FNIP2: variants seen among roughly 807,000 people sequenced by gnomAD.
FNIP2 encodes the protein folliculin interacting protein 2.
In FNIP2, 32 loss-of-function variants were observed where a neutral mutation model predicts 108.7. That is an observed-to-expected ratio of 0.29 (90% CI 0.22 to 0.40). The LOEUF (loss-of-function observed/expected upper bound fraction) is 0.40, where lower values mean the gene tolerates loss of function less well. Ranked by LOEUF, FNIP2 falls within the 10% of genes least tolerant of loss-of-function variation. The probability of loss-of-function intolerance (pLI) is 1.00; values close to 1 mark genes in which losing one functional copy is unlikely to be tolerated. For missense variants in FNIP2, 1,202 were observed against 1,381.6 expected (o/e 0.87, Z 2.06); for synonymous variants, 480 against 496.7 (o/e 0.97, Z 0.45).
chr4:158,823,413 C>T (rs1272501220), intron 1 of FNIP2, among the ~76,000 whole-genome samples: 2 of 152,060 alleles, frequency 1.3e-5, no homozygotes, highest in South Asian at 2.1e-4. Flanking sequence ...TTATGGGTGC[C>T]CACTAGTGCG....
chr4:158,773,289 A>G (rs1439360760), intron 1 of FNIP2, among the ~76,000 whole-genome samples: 2 of 152,152 alleles, frequency 1.3e-5, no homozygotes, highest in African/African-American at 4.8e-5. Flanking sequence ...TTGTCCTGAA[A>G]GATACTATGC....
At chr4:158,795,834 G>T (rs1776569979) in intron 1 of FNIP2, 1 of 152,248 alleles carries the variant, frequency 6.6e-6, no homozygotes, top group Admixed American at 6.5e-5. Context: ...TCTAGGTTGC[G>T]CGCTCCTTAT....
At chr4:158,904,398 AGAAAT>A (rs1729643978) in intron 16 of FNIP2, 63 bp from the exon 17 acceptor site, 1 of 1,371,522 alleles carries the variant, frequency 7.3e-7, no homozygotes, top group Non-Finnish European at 1.0e-6. Context: ...TCTCATAAAA[AGAAAT>A]AATACTTTCT....
At chr4:158,805,708 C>A (rs940897503) in intron 1 of FNIP2, among the ~76,000 whole-genome samples, 1 of 152,154 alleles carries the variant, frequency 6.6e-6, no homozygotes, top group Admixed American at 6.5e-5. Context: ...ACATGAGAGC[C>A]ATTAAGAGGG....
chr4:158,871,511 T>G (rs1298929685), intron 14 of FNIP2: 2 of 985,150 alleles, frequency 2.0e-6, no homozygotes, highest in East Asian at 2.3e-4. Flanking sequence ...AGGCTAAGTA[T>G]ATTTATGTGA....
intron 16 of FNIP2, among the ~76,000 whole-genome samples, chr4:158,897,494 C>T (rs1233613505): frequency 6.6e-6 from 1 of 152,218 alleles, no homozygotes; most frequent in Non-Finnish European, 1.5e-5. Flanking sequence ...CACATCCTCT[C>T]AAGCATTTGT....
chr4:158,804,076 T>G (rs1487100124), intron 1 of FNIP2, among the ~76,000 whole-genome samples: 1 of 152,192 alleles, frequency 6.6e-6, no homozygotes, highest in African/African-American at 2.4e-5. Context: ...TAGCTGGGAC[T>G]ATAGGCATCC....
intron 1 of FNIP2, among the ~76,000 whole-genome samples, chr4:158,811,996 A>G (rs1468783972): frequency 1.3e-5 from 2 of 152,222 alleles, no homozygotes; most frequent in African/African-American, 4.8e-5. Flanking sequence ...ATATTGCCTC[A>G]GGGCAAAGAT....
chr4:158,877,905 A>C (rs926656072), intron 14 of FNIP2, among the ~76,000 whole-genome samples: 2 of 151,924 alleles, frequency 1.3e-5, no homozygotes, highest in African/African-American at 4.8e-5. Context: ...GAGCCACTGC[A>C]CTCCAGCCTG....
intron 7 of FNIP2, chr4:158,836,698 C>T (rs978664957): frequency 3.9e-4 from 58 of 150,370 alleles, no homozygotes; most frequent in African/African-American, 1.3e-3. Flanking sequence ...TACCTATAGT[C>T]CTAGCTACTC....
At chr4:158,799,011 A>G (rs1286984855) in intron 1 of FNIP2, among the ~76,000 whole-genome samples, 2 of 152,260 alleles carry the variant, frequency 1.3e-5, no homozygotes, top group Non-Finnish European at 2.9e-5. Context: ...CCTTTCCAGG[A>G]AAACAGAGAC....
chr4:158,835,134 T>G (rs1423907660), intron 6 of FNIP2: 4 of 176,826 alleles, frequency 2.3e-5, no homozygotes, highest in South Asian at 1.3e-4. Context: ...TTATTCAGAG[T>G]TTTTTTTTTA....
rs114922666 is a variant in FNIP2, at chr4:158,826,301, C to A, written c.234+259C>A. ...GCTAAGCAGTGTACTATTAATAGTA[C>A]TAGAGGTAAATTTGCTGGTGAGTTG... On this transcript the variant is annotated intron_variant, in intron 2 of 16. Coordinates refer to ENST00000264433, the MANE Select transcript of FNIP2 (RefSeq NM_020840.3). 2.5e-3 allele frequency among the ~76,000 whole-genome samples: 384 copies of A among 152,230 alleles called. 3 individuals are homozygous for A. The highest frequency in any genetic ancestry group is 8.8e-3 in the African/African-American group (364 of 41,534).
Position 158,793,126 on chromosome 4 carries a change from G to A in FNIP2, c.107+23807G>A, listed in dbSNP as rs1371038788. ...AGAACAACACATTTGTTTTTGGATA[G>A]ACCATTCATGGGAACTTTGAGCTCT... On this transcript the variant is annotated intron_variant, in intron 1 of 16. Transcript: ENST00000264433. Among the ~76,000 whole-genome samples, 3 of 152,296 alleles carry A rather than the reference G, an allele frequency of 2.0e-5. No individual in the cohort carries two copies. The East Asian group carries it at 5.8e-4, about 29-fold the overall frequency.
chr4:158,773,617 G>A (rs1054322993), intron 1 of FNIP2, among the ~76,000 whole-genome samples: 1 of 152,172 alleles, frequency 6.6e-6, no homozygotes, highest in Admixed American at 6.5e-5. Flanking sequence ...ATGGAGTTCA[G>A]TATTATTCCT....
chr4:158,853,940 G>C (rs1213130435), intron 8 of FNIP2, among the ~76,000 whole-genome samples: 1 of 152,110 alleles, frequency 6.6e-6, no homozygotes, highest in African/African-American at 2.4e-5. Flanking sequence ...CTATCACTGT[G>C]TCCTCAATTA....
intron 1 of FNIP2, 81 bp from the exon 2 acceptor site, chr4:158,825,835 G>T: frequency 6.6e-7 from 1 of 1,517,386 alleles, no homozygotes; most frequent in Non-Finnish European, 9.0e-7. Flanking sequence ...ACACAGGCAT[G>T]GTGACTGGGA....
chr4:158,883,379 C>A (rs1217605020), intron 14 of FNIP2, among the ~76,000 whole-genome samples: 1 of 151,814 alleles, frequency 6.6e-6, no homozygotes, highest in East Asian at 1.9e-4. Flanking sequence ...GTAGCTGGGA[C>A]TACAGGCGCC....
At chr4:158,888,042 T>C (rs1244373791) in intron 14 of FNIP2, among the ~76,000 whole-genome samples, 2 of 152,234 alleles carry the variant, frequency 1.3e-5, no homozygotes, top group Non-Finnish European at 2.9e-5. Context: ...GTGGCCCCGG[T>C]GGCCCTTGAA....
Sources: gnomAD v4.1 joint callset for allele counts (sites outside exome capture counted in the v4.1 genomes callset) on GRCh38, gnomAD v4.1.1 for gene constraint, MANE v1.5 for transcripts, NCBI Gene and HGNC (gene_info 2026-07-23, HGNC 2026-07-21) for gene names.